SCUBE1: variants seen among roughly 807,000 people sequenced by gnomAD.
The protein encoded by SCUBE1 is signal peptide, CUB and EGF-like domain-containing protein 1.
In SCUBE1, 59 loss-of-function variants were observed where a neutral mutation model predicts 124.4. That is an observed-to-expected ratio of 0.47 (90% CI 0.38 to 0.59). The LOEUF is 0.59. SCUBE1 is among the 20% of genes least tolerant of loss of function. SCUBE1 has a pLI of 0.00. For synonymous variants in SCUBE1, 545 were observed against 550.9 expected, an observed-to-expected ratio of 0.99 and a Z score of 0.15; for missense variants, 1,150 against 1,371.2, an observed-to-expected ratio of 0.84 and a Z score of 2.55.
chr22:43,268,117 C>T (rs957231181), intron 4 of SCUBE1, among the ~76,000 whole-genome samples: 21 of 152,220 alleles, frequency 1.4e-4, no homozygotes, highest in South Asian at 6.2e-4. Flanking sequence ...CTGTGTCCAC[C>T]GATGCCAGCC....
intron 4 of SCUBE1, among the ~76,000 whole-genome samples, chr22:43,285,632 C>T (rs533342945): frequency 1.3e-5 from 2 of 152,324 alleles, no homozygotes; most frequent in Non-Finnish European, 2.9e-5. Context: ...GGGTGGGATA[C>T]TCTCACAGGG....
chr22:43,264,107 G>A (rs1158297678), intron 4 of SCUBE1, among the ~76,000 whole-genome samples: 7 of 152,306 alleles, frequency 4.6e-5, no homozygotes, highest in African/African-American at 1.7e-4. Flanking sequence ...GGGAGATGTC[G>A]CCAAGGGTAG....
intron 2 of SCUBE1, among the ~76,000 whole-genome samples, chr22:43,332,221 G>A (rs1926925794): frequency 6.6e-6 from 1 of 152,140 alleles, no homozygotes; most frequent in Admixed American, 6.5e-5. Context: ...CTAGGAGGCG[G>A]AGGTTGCAGT....
chr22:43,238,845 T>C lies in SCUBE1; in HGVS notation c.837A>G (p.Thr279=), dbSNP rs751982052. The change falls in exon 7 of 22, where the codon ACA becomes ACG. Residue 279 remains threonine (T), a synonymous_variant. Coordinates refer to ENST00000360835, the MANE Select transcript of SCUBE1 (RefSeq NM_173050.5). ...ACAGCTCCACATGCTGACCTTTGCA[T>C]GTCTTCCCGTCCGGCTGCAGTGTGA... is the stretch of plus-strand genomic sequence containing the variant. ...VGFTLQPDGK[T]CKDINECLVN... is the part of the protein sequence containing the mutation. The C allele has an allele frequency of 1.9e-6, 3 of 1,612,948 alleles. No homozygotes were observed. The highest frequency in any genetic ancestry group is 8.5e-7 in the Non-Finnish European group (1 of 1,179,734).
chr22:43,210,317 TG>T lies in SCUBE1; in HGVS notation c.2384-78del. On this transcript the variant is annotated intron_variant, in intron 18 of 21. Coordinates refer to ENST00000360835, the MANE Select transcript of SCUBE1 (RefSeq NM_173050.5). This position sits in a 1 kb window ranked among gnomAD's most constrained non-coding sequence, Gnocchi z 4.5. ...CTGGCCGGCCAGGCCTCTAACCACC[TG>T]GGAGGCCTAGGGCAGGGCTGGAAGG... 1 of 1,318,266 alleles carries T rather than the reference TG, an allele frequency of 7.6e-7. No individual in the cohort carries two copies. Among genetic ancestry groups the T allele is most frequent in the Non-Finnish European group, 1.0e-6 (1 of 989,988 alleles). The allele number at this position is 1,318,266 out of a possible 1,614,324, so 81.7% of individuals were successfully genotyped here.
At chr22:43,254,322 C>T (rs1923573358) in intron 6 of SCUBE1, among the ~76,000 whole-genome samples, 1 of 152,224 alleles carries the variant, frequency 6.6e-6, no homozygotes, top group East Asian at 1.9e-4. Flanking sequence ...CTCGAAGCCC[C>T]TAAGGAGTGG....
chr22:43,338,389 A>G (rs935197300), intron 2 of SCUBE1, among the ~76,000 whole-genome samples: 1 of 152,190 alleles, frequency 6.6e-6, no homozygotes, highest in Non-Finnish European at 1.5e-5. Context: ...AGAGACCTAC[A>G]GGGTGGTTTT....
At chr22:43,284,970 G>A (rs1240707543) in intron 4 of SCUBE1, among the ~76,000 whole-genome samples, 4 of 152,110 alleles carry the variant, frequency 2.6e-5, no homozygotes, top group Non-Finnish European at 5.9e-5. Context: ...TTTCCTACAC[G>A]TATTTATGCA....
At chr22:43,214,046 C>CCGGGG in intron 16 of SCUBE1, 44 bp downstream of exon 16, 9 of 422,698 alleles carry the variant, frequency 2.1e-5, no homozygotes, top group Non-Finnish European at 2.5e-5. Context: ...GAGGAGCCCC[C>CCGGGG]GCCCACCCCC....
In SCUBE1 at chr22:43,212,557, A is replaced by G. The variant is rs762543948; in HGVS notation, c.2089T>C (p.Phe697Leu). 5.7e-6 allele frequency: 9 copies of G among 1,565,930 alleles called. No individual in the cohort carries two copies. The Admixed American group carries it at 1.5e-4, about 26-fold the overall frequency. ...CSPGFFSADG[F>L]KPCQACPVGT... ...ACGGGGCAGGCCTGGCAGGGCTTGA[A>G]GCCATCGGCCGAGAAGAAGCCTGGA... is the stretch of plus-strand genomic sequence containing the variant. Residue 697 changes from phenylalanine (F) to leucine (L), a missense_variant, in exon 17 of 22, where the codon TTC becomes CTC. Around this residue, in one of 3 missense-constraint regions of SCUBE1, gnomAD observed 757 missense variants for 840.9 expected, o/e 0.90. Coordinates refer to ENST00000360835, the MANE Select transcript of SCUBE1 (RefSeq NM_173050.5).
chr22:43,238,464 G>A (rs538358118), intron 7 of SCUBE1: 5 of 553,666 alleles, frequency 9.0e-6, no homozygotes, highest in East Asian at 6.0e-5. Flanking sequence ...GTTCGGAAAC[G>A]CGCTACATTC....
intron 15 of SCUBE1, among the ~76,000 whole-genome samples, 155 bp downstream of exon 15, chr22:43,218,100 C>G (rs1921916026): frequency 6.6e-6 from 1 of 152,218 alleles, no homozygotes; most frequent in South Asian, 2.1e-4. Context: ...CAGTGATGAC[C>G]ATGAGGGCTG....
chr22:43,260,643 G>A (rs1349788391), intron 5 of SCUBE1, among the ~76,000 whole-genome samples: 1 of 152,262 alleles, frequency 6.6e-6, no homozygotes, highest in African/African-American at 2.4e-5. Flanking sequence ...TGGGCTCGCT[G>A]GGCAGCTGCC....
intron 3 of SCUBE1, among the ~76,000 whole-genome samples, chr22:43,297,057 C>G (rs537040355): frequency 1.3e-5 from 2 of 152,366 alleles, no homozygotes; most frequent in Admixed American, 6.5e-5. Flanking sequence ...AGGGGCCTCA[C>G]TGGTCAGGGT....
At chr22:43,269,211 C>G (rs1924195385) in intron 4 of SCUBE1, among the ~76,000 whole-genome samples, 1 of 152,160 alleles carries the variant, frequency 6.6e-6, no homozygotes, top group Non-Finnish European at 1.5e-5. Flanking sequence ...GGCCCTCCCC[C>G]AGGTCGCCAT....
At chr22:43,252,888 C>T (rs769170289) in intron 6 of SCUBE1, among the ~76,000 whole-genome samples, 1 of 150,752 alleles carries the variant, frequency 6.6e-6, no homozygotes, top group African/African-American at 2.4e-5. Flanking sequence ...GGTCACCTCC[C>T]TTACTCTCCA....
rs1057021424 is a variant in SCUBE1 at position 43,234,387 on chromosome 22, AG to A, written c.845-2513del. On this transcript the variant is annotated intron_variant, in intron 7 of 21. Transcript: ENST00000360835. This position sits in a 1 kb window ranked among gnomAD's most constrained non-coding sequence, Gnocchi z 4.4. ...AATGAGCTGAGGCTGCTAAGCAGAC[AG>A]GGGCAGCACGTGATCATTCTCACCA... 6.6e-6 allele frequency among the ~76,000 whole-genome samples: 1 copy of A among 152,184 alleles called. No individual in the cohort carries two copies. Among genetic ancestry groups the A allele is most frequent in the African/African-American group, 2.4e-5 (1 of 41,442 alleles).
intron 7 of SCUBE1, among the ~76,000 whole-genome samples, chr22:43,236,010 G>A (rs945481212): frequency 5.9e-5 from 9 of 152,150 alleles, no homozygotes; most frequent in Non-Finnish European, 1.2e-4. Context: ...GGGGTTTGCA[G>A]CCCTGGGTTG....
rs1309694196 is a variant in SCUBE1, at chr22:43,238,651, CT to C, written c.844+186del. ...GTTCTCTCGAACTCTGCTGGGGACC[CT>C]GCTGCTGGCCAGCCCTCCCTCTTCC... is the stretch of plus-strand genomic sequence containing the variant. On this transcript the variant is annotated intron_variant, in intron 7 of 21. Coordinates refer to ENST00000360835, the MANE Select transcript of SCUBE1 (RefSeq NM_173050.5). 7.4e-6 allele frequency: 5 copies of C among 676,280 alleles called. No individual in the cohort carries two copies. In the East Asian group the frequency reaches 1.4e-4, roughly 18 times the overall value. The allele number at this position is 676,280 out of a possible 1,614,324, so 41.9% of individuals were successfully genotyped here.
Sources: allele counts gnomAD v4.1 joint callset (sites outside exome capture counted in the v4.1 genomes callset), GRCh38; gene constraint gnomAD v4.1.1; regional missense constraint gnomAD v4.1.1; non-coding constraint Gnocchi (gnomAD v3.1); transcripts MANE v1.5; gene names NCBI Gene and HGNC (gene_info 2026-07-23, HGNC 2026-07-21).